TNFRSF10B: variants seen among roughly 807,000 people sequenced by gnomAD.
The protein encoded by TNFRSF10B is TNF receptor superfamily member 10b.
A neutral mutation model predicts 41.4 loss-of-function variants in TNFRSF10B; 35 were observed. The observed-to-expected ratio is 0.85, with a 90% CI of 0.65 to 1.12. The LOEUF (loss-of-function observed/expected upper bound fraction) is 1.12, where lower values mean the gene tolerates loss of function less well. Ranked by LOEUF, TNFRSF10B falls within the 50% of genes most tolerant of loss-of-function variation. TNFRSF10B has a pLI of 0.00. For missense variants in TNFRSF10B, 584 were observed against 552.7 expected (o/e 1.06, Z -0.57); for synonymous variants, 230 against 215.5 (o/e 1.07, Z -0.59).
Position 23,022,993 on chromosome 8 carries a change from G to A in TNFRSF10B, c.1010-9C>T. On this transcript the variant is annotated splice_polypyrimidine_tract_variant and intron_variant, in intron 8 of 8. Coordinates refer to ENST00000276431, the MANE Select transcript of TNFRSF10B (RefSeq NM_003842.5). ...GAAGCACTGTCTCAGAGCTGGTGGA[G>A]AAAGCCACAGAGACAGCCAGGTGAG... The A allele has an allele frequency of 1.2e-6, 2 of 1,608,864 alleles. No individual in the cohort carries two copies. Among genetic ancestry groups the A allele is most frequent in the Non-Finnish European group, 1.7e-6 (2 of 1,179,970 alleles).
intron 1 of TNFRSF10B, among the ~76,000 whole-genome samples, chr8:23,059,954 T>C (rs538560489): frequency 1.3e-5 from 2 of 152,344 alleles, no homozygotes; most frequent in South Asian, 2.1e-4. Flanking sequence ...TGGAGAAATG[T>C]TTATAAAAAT....
intron 8 of TNFRSF10B, 93 bp downstream of exon 8, chr8:23,024,088 GGAATACT>G: frequency 6.8e-7 from 1 of 1,460,550 alleles, no homozygotes; most frequent in Non-Finnish European, 9.6e-7. Context: ...CTTCCAGCAT[GGAATACT>G]CTGGAAGAGC....
At chr8:23,027,021 C>G in intron 7 of TNFRSF10B, 112 bp downstream of exon 7, 1 of 1,539,442 alleles carries the variant, frequency 6.5e-7, no homozygotes, top group Non-Finnish European at 8.9e-7. Flanking sequence ...CTGGCTCCTT[C>G]AGGTTCCATT....
At chr8:23,046,650 C>G (rs537798483) in intron 1 of TNFRSF10B, among the ~76,000 whole-genome samples, 1 of 146,320 alleles carries the variant, frequency 6.8e-6, no homozygotes, top group African/African-American at 2.5e-5. Context: ...ATAGCCAAGG[C>G]AATCATGATC....
rs777485896 is a variant in TNFRSF10B at position 23,022,947 on chromosome 8, C to A, written c.1047G>T (p.Val349=). The change falls in exon 9 of 9, where the codon GTG becomes GTT. Residue 349 remains valine, a synonymous_variant. Transcript: ENST00000276431. The part of the protein sequence containing the change: ...RQCFDDFADL[V]PFDSWEPLMR... Reference sequence around the variant, plus strand: ...TGAGCGGCTCCCAGGAGTCAAAGGGCACCAAGTCTGCAAAGTCATCGAAGC... The same window carrying A: ...TGAGCGGCTCCCAGGAGTCAAAGGGAACCAAGTCTGCAAAGTCATCGAAGC... 3 of 1,613,622 alleles carry A rather than the reference C, an allele frequency of 1.9e-6. No homozygotes were observed. In the African/African-American group the frequency reaches 4.0e-5, roughly 22 times the overall value.
Position 23,022,974 on chromosome 8 carries a change from C to T in TNFRSF10B, c.1020G>A (p.Gln340=). Reference sequence around the variant, plus strand: ...CCAAGTCTGCAAAGTCATCGAAGCACTGTCTCAGAGCTGGTGGAGAAAGCC... The same window carrying T: ...CCAAGTCTGCAAAGTCATCGAAGCATTGTCTCAGAGCTGGTGGAGAAAGCC... The part of the protein sequence containing the change: ...NEGDPTETLR[Q]CFDDFADLVP... Residue 340 remains glutamine (Q), a synonymous_variant, in exon 9 of 9, where the codon CAG becomes CAA. Coordinates refer to ENST00000276431, the MANE Select transcript of TNFRSF10B (RefSeq NM_003842.5). 1.2e-6 allele frequency: 2 copies of T among 1,612,212 alleles called. No homozygotes were observed. Among genetic ancestry groups the T allele is most frequent in the South Asian group, 2.2e-5 (2 of 91,088 alleles).
chr8:23,052,033 G>A (rs113618772), intron 1 of TNFRSF10B, among the ~76,000 whole-genome samples: 94 of 152,048 alleles, frequency 6.2e-4, no homozygotes, highest in African/African-American at 2.1e-3. Flanking sequence ...TCACTGTCTC[G>A]GTCATAATTT....
At chr8:23,054,873 G>T (rs1430373216) in intron 1 of TNFRSF10B, among the ~76,000 whole-genome samples, 2 of 152,160 alleles carry the variant, frequency 1.3e-5, no homozygotes, top group Non-Finnish European at 2.9e-5. Flanking sequence ...AAACGCCTAT[G>T]TAAAAAATAA....
At chr8:23,066,518 T>C (rs4872047) in intron 1 of TNFRSF10B, among the ~76,000 whole-genome samples, 25,316 of 152,092 alleles carry the variant, frequency 0.17, 2,899 homozygotes, top group East Asian at 0.5. Flanking sequence ...TTAGCTCTGA[T>C]ACAAAATCTA....
intron 1 of TNFRSF10B, among the ~76,000 whole-genome samples, chr8:23,059,493 C>T (rs1026379833): frequency 2.0e-5 from 3 of 147,426 alleles, no homozygotes; most frequent in Non-Finnish European, 4.5e-5. Context: ...TTTGCTAATG[C>T]TTATTGTGTG....
intron 4 of TNFRSF10B, 61 bp from the exon 5 acceptor site, chr8:23,028,663 A>G (rs1467739688): frequency 1.9e-6 from 3 of 1,600,856 alleles, no homozygotes; most frequent in Non-Finnish European, 1.7e-6. Flanking sequence ...AGGTGGGATG[A>G]AAGAGGAGCC....
At chr8:23,029,242 TA>T (rs1191849129) in intron 4 of TNFRSF10B, among the ~76,000 whole-genome samples, 1 of 152,218 alleles carries the variant, frequency 6.6e-6, no homozygotes, top group Non-Finnish European at 1.5e-5. Context: ...ATAAAAATAT[TA>T]AAAAATACAT....
chr8:23,024,119 G>A, intron 8 of TNFRSF10B, 69 bp downstream of exon 8: 2 of 1,599,298 alleles, frequency 1.3e-6, no homozygotes, highest in Non-Finnish European at 1.7e-6. Context: ...CTGACCTCTG[G>A]GGACAGCAGT....
chr8:23,031,425 G>C (rs1375399607), intron 2 of TNFRSF10B, among the ~76,000 whole-genome samples: 1 of 137,974 alleles, frequency 7.2e-6, no homozygotes, highest in Non-Finnish European at 1.6e-5. Context: ...ACAGGGTCTT[G>C]CTCTATAGCC....
At chr8:23,056,180 AAGC>A (rs1175444870) in intron 1 of TNFRSF10B, among the ~76,000 whole-genome samples, 2 of 151,776 alleles carry the variant, frequency 1.3e-5, no homozygotes, top group Non-Finnish European at 2.9e-5. Flanking sequence ...AAAGAACTGA[AAGC>A]AGAGTTTTCA....
intron 5 of TNFRSF10B, 138 bp from the exon 6 acceptor site, chr8:23,027,891 C>T: frequency 1.0e-6 from 1 of 979,890 alleles, no homozygotes; most frequent in African/African-American, 1.6e-5. Flanking sequence ...CAGAATGGGG[C>T]CTTACAACTC....
At chr8:23,051,073 TGA>T (rs1812508809) in intron 1 of TNFRSF10B, among the ~76,000 whole-genome samples, 2 of 152,200 alleles carry the variant, frequency 1.3e-5, no homozygotes, top group South Asian at 4.1e-4. Context: ...GACTGAAAAA[TGA>T]GGTCTTACGA....
intron 2 of TNFRSF10B, among the ~76,000 whole-genome samples, chr8:23,038,172 A>G (rs1341137251): frequency 6.6e-6 from 1 of 152,240 alleles, no homozygotes; most frequent in Non-Finnish European, 1.5e-5. Flanking sequence ...GATGTCTAGA[A>G]TACAGGAGAT....
intron 2 of TNFRSF10B, among the ~76,000 whole-genome samples, chr8:23,040,355 AAT>A (rs1216275680): frequency 2.1e-5 from 1 of 47,756 alleles, no homozygotes; most frequent in East Asian, 9.5e-4. Context: ...ATATATACAA[AAT>A]ATATATTTAA....
Sources: allele counts gnomAD v4.1 joint callset (sites outside exome capture counted in the v4.1 genomes callset), GRCh38; gene constraint gnomAD v4.1.1; transcripts MANE v1.5; gene names NCBI Gene and HGNC (gene_info 2026-07-23, HGNC 2026-07-21).